The following SRFBP1 variants were observed in gnomAD, a reference collection of about 807,000 sequenced individuals.
SRFBP1 encodes serum response factor-binding protein 1.
In SRFBP1, 47 loss-of-function variants were observed where a neutral mutation model predicts 45.5. The observed-to-expected ratio is 1.03, with a 90% CI of 0.82 to 1.32. The LOEUF is 1.32. Ranked by LOEUF, SRFBP1 falls within the 40% of genes most tolerant of loss-of-function variation. The probability of loss-of-function intolerance (pLI) is 0.00; values close to 1 mark genes in which losing one functional copy is unlikely to be tolerated. For missense variants in SRFBP1, 621 were observed against 484.6 expected, an observed-to-expected ratio of 1.28 and a Z score of -2.64; for synonymous variants, 203 against 166.3, an observed-to-expected ratio of 1.22 and a Z score of -1.70.
intron 4 of SRFBP1, among the ~76,000 whole-genome samples, chr5:122,005,576 GTTTTTGT>G (rs1186586889): frequency 1.3e-5 from 2 of 151,916 alleles, no homozygotes; most frequent in African/African-American, 4.8e-5. Flanking sequence ...TCTTATTTTT[GTTTTTGT>G]TTTTTGTTTT....
At chr5:121,978,673 G>A (rs1007158615) in intron 3 of SRFBP1, among the ~76,000 whole-genome samples, 2 of 152,098 alleles carry the variant, frequency 1.3e-5, no homozygotes, top group African/African-American at 4.8e-5. Context: ...TGTATTTTTA[G>A]TAGAGACAAG....
chr5:122,013,703 G>A (rs1753140197), intron 4 of SRFBP1, among the ~76,000 whole-genome samples: 1 of 152,106 alleles, frequency 6.6e-6, no homozygotes, highest in African/African-American at 2.4e-5. Context: ...TGACTTAACT[G>A]TTTTTAGTTC....
At chr5:122,051,030 G>T (rs1472759997) in intron 2 of SRFBP1, among the ~76,000 whole-genome samples, 2 of 152,166 alleles carry the variant, frequency 1.3e-5, no homozygotes, top group South Asian at 2.1e-4. Flanking sequence ...TTCAGGAGCA[G>T]GTTATTTATT....
intron 3 of SRFBP1, among the ~76,000 whole-genome samples, chr5:121,991,330 A>C (rs1303384855): frequency 6.6e-6 from 1 of 152,156 alleles, no homozygotes; most frequent in Non-Finnish European, 1.5e-5. Context: ...GATAAAAAAA[A>C]AGTTGTTTAA....
chr5:122,032,098 T>G (rs1222187787), downstream of SRFBP1, among the ~76,000 whole-genome samples: 1 of 152,164 alleles, frequency 6.6e-6, no homozygotes, highest in African/African-American at 2.4e-5. Flanking sequence ...AACTGCACTT[T>G]AAAAGGGTGA....
At position 121,982,594 on chromosome 5, in the gene SRFBP1, G is replaced by T. The variant is rs115965683; in HGVS notation, c.198+7207G>T. Among the ~76,000 whole-genome samples, 409 of 151,942 alleles carry T rather than the reference G, an allele frequency of 2.7e-3. 2 individuals are homozygous for T. The highest frequency in any genetic ancestry group is 0.01 in the Middle Eastern group (3 of 294). On this transcript the variant is annotated intron_variant, in intron 3 of 7. Coordinates refer to ENST00000339397, the MANE Select transcript of SRFBP1 (RefSeq NM_152546.3). ...AGTATGTATTGTCTGTTTTTGAACCGCTTGCTTCTGTTTGAAAACAAAGAG... is the reference window on the plus strand; with the variant it reads ...AGTATGTATTGTCTGTTTTTGAACCTCTTGCTTCTGTTTGAAAACAAAGAG...
intron 3 of SRFBP1, among the ~76,000 whole-genome samples, chr5:121,978,456 C>T (rs1752346752): frequency 6.6e-6 from 1 of 152,010 alleles, no homozygotes; most frequent in Non-Finnish European, 1.5e-5. Context: ...CCTTTAATTC[C>T]TGACAGGTAA....
chr5:122,059,836 C>T (rs75249512), intron 2 of SRFBP1, among the ~76,000 whole-genome samples: 4,919 of 152,128 alleles, frequency 0.032, 290 homozygotes, highest in African/African-American at 0.11. Context: ...GAGGGAGACT[C>T]GCACTAATGG....
intron 2 of SRFBP1, among the ~76,000 whole-genome samples, chr5:122,052,626 G>T (rs1043561448): frequency 6.6e-6 from 1 of 151,996 alleles, no homozygotes; most frequent in South Asian, 2.1e-4. Flanking sequence ...TTATAATGGC[G>T]ATTTCATCTG....
At chr5:121,962,512 G>A (rs758025235) in intron 1 of SRFBP1, among the ~76,000 whole-genome samples, 1 of 152,192 alleles carries the variant, frequency 6.6e-6, no homozygotes, top group East Asian at 1.9e-4. Flanking sequence ...AGAAATTGGT[G>A]GTCTTGAATG....
intron 4 of SRFBP1, 25 bp downstream of exon 4, chr5:121,994,695 GT>G: frequency 6.9e-7 from 1 of 1,459,282 alleles, no homozygotes. Flanking sequence ...GATTATATTT[GT>G]CTTATGAAAA....
At chr5:121,965,182 T>A (rs1463369168) in intron 1 of SRFBP1, among the ~76,000 whole-genome samples, 1 of 152,208 alleles carries the variant, frequency 6.6e-6, no homozygotes, top group African/African-American at 2.4e-5. Flanking sequence ...GTGAAGAAGC[T>A]CTTTAGTTTA....
chr5:122,032,856 G>A (rs1438698030), downstream of SRFBP1, among the ~76,000 whole-genome samples: 2 of 152,174 alleles, frequency 1.3e-5, no homozygotes, highest in African/African-American at 4.8e-5. Flanking sequence ...AAATTGCTAA[G>A]TTCCCCTCCA....
At chr5:122,071,191 A>C (rs374311233) in intron 2 of SRFBP1, among the ~76,000 whole-genome samples, 1 of 118,590 alleles carries the variant, frequency 8.4e-6, no homozygotes, top group Non-Finnish European at 1.7e-5. Context: ...GTAAACATTT[A>C]TATGTGTGTG....
intron 4 of SRFBP1, among the ~76,000 whole-genome samples, chr5:121,997,266 A>G (rs1008178077): frequency 1.8e-4 from 27 of 148,684 alleles, no homozygotes; most frequent in African/African-American, 6.5e-4. Flanking sequence ...TTCAAACTAT[A>G]CTACAAGGCT....
chr5:121,980,071 G>C (rs1752378144), intron 3 of SRFBP1, among the ~76,000 whole-genome samples: 1 of 152,142 alleles, frequency 6.6e-6, no homozygotes, highest in African/African-American at 2.4e-5. Context: ...CCCTTTGCTA[G>C]AGTTTCCTCC....
At chr5:122,077,095 T>A (rs1017321442), downstream of SRFBP1, 3 of 1,531,062 alleles carry the variant, frequency 2.0e-6, no homozygotes, top group African/African-American at 4.1e-5. This position sits in a 1 kb window ranked among gnomAD's most constrained non-coding sequence, Gnocchi z 4.9. Context: ...TCCTCACCCT[T>A]CGCCCACCGG....
chr5:122,006,994 A>G (rs998976272), intron 4 of SRFBP1, among the ~76,000 whole-genome samples: 1 of 151,664 alleles, frequency 6.6e-6, no homozygotes, highest in Non-Finnish European at 1.5e-5. Flanking sequence ...CCTTATGTTG[A>G]TTTTTGCATA....
chr5:122,040,698 T>G (rs1361096680), intron 2 of SRFBP1, among the ~76,000 whole-genome samples: 1 of 152,262 alleles, frequency 6.6e-6, no homozygotes, highest in Admixed American at 6.5e-5. Flanking sequence ...AAGGAGAGGT[T>G]GTCAGGCCCT....
Sources: gnomAD v4.1 joint callset for allele counts (sites outside exome capture counted in the v4.1 genomes callset) on GRCh38, gnomAD v4.1.1 for gene constraint, Gnocchi (gnomAD v3.1) non-coding constraint, MANE v1.5 for transcripts, NCBI Gene and HGNC (gene_info 2026-07-23, HGNC 2026-07-21) for gene names.